Variants in FMN1 observed in about 807,000 individuals in gnomAD.
The protein encoded by FMN1 is formin 1.
A neutral mutation model predicts 132.4 loss-of-function variants in FMN1; 110 were observed. The observed-to-expected ratio is 0.83, with a 90% CI of 0.71 to 0.97. The LOEUF is 0.97. Ranked by LOEUF, FMN1 falls within the 50% of genes least tolerant of loss-of-function variation. The pLI is 0.00. For missense variants in FMN1, 1,792 were observed against 1,705.3 expected (o/e 1.05, Z -0.90); for synonymous variants, 722 against 651.7 (o/e 1.11, Z -1.64).
intron 12 of FMN1, among the ~76,000 whole-genome samples, chr15:32,905,902 T>G (rs1221883451): frequency 6.6e-6 from 1 of 152,034 alleles, no homozygotes. Context: ...CCCCCATCTA[T>G]CCGTGCCTCA....
At chr15:32,875,687 C>T (rs1202708538) in intron 16 of FMN1, among the ~76,000 whole-genome samples, 1 of 152,198 alleles carries the variant, frequency 6.6e-6, no homozygotes, top group African/African-American at 2.4e-5. Flanking sequence ...AAGGAGGTCT[C>T]CCTCTAACTT....
At position 33,034,998 on chromosome 15, in the gene FMN1, T is replaced by G. The variant is rs970510765; in HGVS notation, c.2162-26923A>C. ...TTCCTTACTCTGTTTGCACCATGGA[T>G]TCCTTTTGACAGATGGCAAAACCTA... On this transcript the variant is annotated intron_variant, in intron 6 of 20. Coordinates refer to ENST00000616417, the MANE Select transcript of FMN1 (RefSeq NM_001277313.2). 3.3e-5 allele frequency among the ~76,000 whole-genome samples: 5 copies of G among 152,232 alleles called. No individual in the cohort carries two copies. The South Asian group carries it at 8.3e-4, about 25-fold the overall frequency.
chr15:33,114,295 T>C (rs567179663), intron 4 of FMN1, among the ~76,000 whole-genome samples: 11 of 152,352 alleles, frequency 7.2e-5, no homozygotes, highest in Admixed American at 7.2e-4. Flanking sequence ...CTCAGGACTC[T>C]AAAGTATAGC....
chr15:33,082,060 G>A lies in FMN1; in HGVS notation c.2043+6739C>T, dbSNP rs887684320. Among the ~76,000 whole-genome samples the A allele has an allele frequency of 6.2e-4, 67 of 108,046 alleles. 1 individual carries two copies. Among genetic ancestry groups the A allele is most frequent in the South Asian group, 4.2e-3 (14 of 3,340 alleles). 70.9% of individuals were successfully genotyped at this position (108,046 alleles called of 152,430 possible). On this transcript the variant is annotated intron_variant, in intron 5 of 20. Coordinates refer to ENST00000616417, the MANE Select transcript of FMN1 (RefSeq NM_001277313.2). ...GTGTGTGTGTGTGTGTGTGTAAGAC[G>A]GAGTCTCGCTTTGTCACCCAGGCTG... is the stretch of plus-strand genomic sequence containing the variant.
intron 4 of FMN1, among the ~76,000 whole-genome samples, chr15:33,113,806 A>G (rs539879026): frequency 1.3e-5 from 2 of 152,290 alleles, no homozygotes; most frequent in Admixed American, 6.5e-5. Context: ...AGACGGTCTT[A>G]CAGCTGAGGC....
At chr15:33,105,422 A>G (rs1459750744) in intron 4 of FMN1, among the ~76,000 whole-genome samples, 1 of 152,136 alleles carries the variant, frequency 6.6e-6, no homozygotes, top group Non-Finnish European at 1.5e-5. Context: ...TCTAGAGGAT[A>G]ATTTAGCAGA....
intron 2 of FMN1, among the ~76,000 whole-genome samples, chr15:33,185,675 C>A (rs989416485): frequency 6.7e-6 from 1 of 149,282 alleles, no homozygotes; most frequent in African/African-American, 2.5e-5. Context: ...CAGGTTCAAG[C>A]GATTCTCCTG....
At chr15:33,172,607 A>G (rs1395329325) in intron 3 of FMN1, among the ~76,000 whole-genome samples, 1 of 152,202 alleles carries the variant, frequency 6.6e-6, no homozygotes, top group Non-Finnish European at 1.5e-5. Context: ...TTTATTTTTC[A>G]GCTCCTTTAA....
At chr15:33,016,958 C>A (rs975189331) in intron 6 of FMN1, among the ~76,000 whole-genome samples, 4 of 152,198 alleles carry the variant, frequency 2.6e-5, no homozygotes, top group African/African-American at 9.6e-5. Context: ...AGGCCTGTCT[C>A]GCTTTCCCCA....
In FMN1 at chr15:32,774,167, C is replaced by G; in HGVS notation, c.*143G>C. 1.4e-6 allele frequency: 1 copy of G among 698,478 alleles called. No individual in the cohort carries two copies. The highest frequency in any genetic ancestry group is 1.7e-5 in the South Asian group (1 of 57,316). 43.3% of individuals were successfully genotyped at this position (698,478 alleles called of 1,614,324 possible). A position where few individuals can be genotyped will look rare whatever the true frequency, so the allele number is the denominator to read the frequency against. On this transcript the variant is annotated 3_prime_UTR_variant, in exon 21 of 21. Coordinates refer to ENST00000616417, the MANE Select transcript of FMN1 (RefSeq NM_001277313.2). Reference sequence around the variant, plus strand: ...TCTTAAAGAAGGCATGGGGCACTCTCTGCAGATGACCTCAGAAAGAGATGA... The same window carrying G: ...TCTTAAAGAAGGCATGGGGCACTCTGTGCAGATGACCTCAGAAAGAGATGA...
intron 16 of FMN1, among the ~76,000 whole-genome samples, chr15:32,876,491 G>C (rs2059640714): frequency 6.6e-6 from 1 of 152,186 alleles, no homozygotes; most frequent in African/African-American, 2.4e-5. Flanking sequence ...ATCATTGCCA[G>C]TTTCTCAGTT....
At chr15:32,846,789 G>A (rs1296164497) in intron 17 of FMN1, among the ~76,000 whole-genome samples, 1 of 152,150 alleles carries the variant, frequency 6.6e-6, no homozygotes, top group Non-Finnish European at 1.5e-5. Flanking sequence ...ATTTACGATA[G>A]CAAAGACTTG....
In FMN1 at chr15:33,018,534, C is replaced by T. The variant is rs144509694; in HGVS notation, c.2162-10459G>A. 2.0e-3 allele frequency among the ~76,000 whole-genome samples: 298 copies of T among 152,260 alleles called. 2 individuals are homozygous for T. The highest frequency in any genetic ancestry group is 6.9e-3 in the African/African-American group (285 of 41,542). On this transcript the variant is annotated intron_variant, in intron 6 of 20. Transcript: ENST00000616417. ...CAGAAACCTTCTGGACAGCTGAACA[C>T]GAAAAGGTTCCCAGAGGGTGGTGCG...
At chr15:32,971,081 G>C (rs2031747970) in intron 7 of FMN1, among the ~76,000 whole-genome samples, 1 of 152,198 alleles carries the variant, frequency 6.6e-6, no homozygotes, top group African/African-American at 2.4e-5. Flanking sequence ...TATGACCTCA[G>C]ACAGGGAACG....
chr15:32,926,202 TA>T lies in FMN1; in HGVS notation c.3197del (p.Leu1066TyrfsTer3). 6.4e-7 allele frequency: 1 copy of T among 1,561,572 alleles called. No homozygotes were observed. The highest frequency in any genetic ancestry group is 1.2e-5 in the South Asian group (1 of 83,240). Reference protein sequence around the residue: ...SQTVGILISSLHLEMKDIQQA... With the variant: ...SQTVGILISSXHLEMKDIQQA... ...GTTGGATATCCTTCATTTCTAAATGTAAACTAGATATCAAGATTCCCACAGT... is the reference window on the plus strand; with the variant it reads ...GTTGGATATCCTTCATTTCTAAATGTAACTAGATATCAAGATTCCCACAGT... On this transcript the variant is annotated frameshift_variant, in exon 10 of 21. Transcript: ENST00000616417. LOFTEE classifies it high-confidence loss of function.
In FMN1 at chr15:32,859,224, T is replaced by G. The variant is rs540382736; in HGVS notation, c.3836-2117A>C. The stretch of plus-strand genomic sequence containing the variant: ...CTCTATAAATTGTAAGGCAATCTTG[T>G]CCCCTGAAAACAAAGGGGGAAAGGT... On this transcript the variant is annotated intron_variant, in intron 16 of 20. Transcript: ENST00000616417. Among the ~76,000 whole-genome samples, 4 of 152,298 alleles carry G rather than the reference T, an allele frequency of 2.6e-5. No individual in the cohort carries two copies. In the South Asian group the frequency reaches 8.3e-4, roughly 32 times the overall value.
chr15:32,816,128 T>C (rs1377925795), intron 17 of FMN1, among the ~76,000 whole-genome samples: 1 of 152,214 alleles, frequency 6.6e-6, no homozygotes, highest in African/African-American at 2.4e-5. Context: ...TTGTGCAGCC[T>C]TTCTTGGGTT....
At chr15:32,970,661 T>A (rs2031704847) in intron 7 of FMN1, 1 of 152,130 alleles carries the variant, frequency 6.6e-6, no homozygotes, top group African/African-American at 2.4e-5. Context: ...AAAGAAATAT[T>A]TTAACAGCCT....
intron 7 of FMN1, among the ~76,000 whole-genome samples, chr15:32,984,050 C>A (rs972130074): frequency 2.0e-5 from 3 of 152,106 alleles, no homozygotes; most frequent in African/African-American, 7.2e-5. Flanking sequence ...GTCTCTACAG[C>A]CTGTTTTCTA....
Sources: gnomAD v4.1 joint callset for allele counts (sites outside exome capture counted in the v4.1 genomes callset) on GRCh38, gnomAD v4.1.1 for gene constraint, MANE v1.5 for transcripts, NCBI Gene and HGNC (gene_info 2026-07-23, HGNC 2026-07-21) for gene names.